ADARB2: variants seen among roughly 807,000 people sequenced by gnomAD.
The protein encoded by ADARB2 is adenosine deaminase RNA specific B2 (inactive), also known as inactive double-stranded RNA-specific editase B2.
In ADARB2, 25 loss-of-function variants were observed where a neutral mutation model predicts 62.2. That is an observed-to-expected ratio of 0.40 (90% confidence interval 0.29 to 0.56). ADARB2 has a LOEUF of 0.56. ADARB2 is among the 20% of genes least tolerant of loss of function. The pLI, the probability that ADARB2 is intolerant of heterozygous loss-of-function variation, is 0.43. For synonymous variants in ADARB2, 572 were observed against 500.8 expected (o/e 1.14, Z -1.90); for missense variants, 1,071 against 1,077.4 (o/e 0.99, Z 0.08).
intron 1 of ADARB2, among the ~76,000 whole-genome samples, chr10:1,479,612 G>T (rs531499765): frequency 1.2e-4 from 18 of 152,240 alleles, no homozygotes; most frequent in African/African-American, 2.9e-4. Flanking sequence ...GCATTTGGGC[G>T]TATGGAGGGC....
intron 2 of ADARB2, among the ~76,000 whole-genome samples, chr10:1,366,423 A>G (rs1314613894): frequency 6.6e-6 from 1 of 152,142 alleles, no homozygotes. Flanking sequence ...AGGCTCCATG[A>G]GGGTTTACTA....
At chr10:1,212,500 G>A (rs1365710667) in intron 7 of ADARB2, among the ~76,000 whole-genome samples, 3 of 152,220 alleles carry the variant, frequency 2.0e-5, no homozygotes, top group Admixed American at 1.3e-4. Context: ...GCTCCGAGTG[G>A]TGGCACCACT....
At chr10:1,401,612 C>T (rs868403078) in intron 1 of ADARB2, among the ~76,000 whole-genome samples, 7 of 152,164 alleles carry the variant, frequency 4.6e-5, no homozygotes, top group East Asian at 3.9e-4. Context: ...GCATTTTAAA[C>T]GGCACCAGCA....
intron 3 of ADARB2, among the ~76,000 whole-genome samples, chr10:1,301,713 C>T (rs1263978862): frequency 2.6e-5 from 4 of 152,128 alleles, no homozygotes; most frequent in African/African-American, 7.2e-5. Context: ...TGGTTTATTT[C>T]CTGTCATTGA....
chr10:1,534,230 G>T (rs1340882740), intron 1 of ADARB2, among the ~76,000 whole-genome samples: 1 of 150,614 alleles, frequency 6.6e-6, no homozygotes, highest in Non-Finnish European at 1.5e-5. Flanking sequence ...TCTGTCTCCC[G>T]GGTTCAACCG....
rs1049886066 is a variant in ADARB2 at position 1,459,711 on chromosome 10, G to A, written c.101-80551C>T. Among the ~76,000 whole-genome samples, 21 of 152,160 alleles carry A rather than the reference G, an allele frequency of 1.4e-4. 1 individual carries two copies. The highest frequency in any genetic ancestry group is 9.6e-4 in the East Asian group (5 of 5,192). ...CAGGAGGCTGAGTTTGCACTGAGCC[G>A]GATTGGGCCATTACACTCCAGCCTG... On this transcript the variant is annotated intron_variant, in intron 1 of 9. Coordinates refer to ENST00000381312, the MANE Select transcript of ADARB2 (RefSeq NM_018702.4).
At chr10:1,203,110 T>G (rs1029935343) in intron 7 of ADARB2, among the ~76,000 whole-genome samples, 4 of 152,234 alleles carry the variant, frequency 2.6e-5, no homozygotes, top group Admixed American at 6.5e-5. Flanking sequence ...GCCTCTCCTT[T>G]TGTTCAAACA....
At chr10:1,689,956 CAGAA>C (rs901589915) in intron 1 of ADARB2, among the ~76,000 whole-genome samples, 17 of 152,106 alleles carry the variant, frequency 1.1e-4, no homozygotes, top group African/African-American at 3.9e-4. Context: ...ACAATGATTT[CAGAA>C]AGAAAGAAAT....
intron 1 of ADARB2, among the ~76,000 whole-genome samples, chr10:1,587,716 C>A (rs1833198457): frequency 1.3e-5 from 2 of 152,092 alleles, no homozygotes; most frequent in Admixed American, 1.3e-4. Context: ...TGTTCCCACC[C>A]AAATCTCATC....
rs4880838 is a variant in ADARB2 at position 1,372,394 on chromosome 10, C to T, written c.187+6680G>A. ...TTTGGGTAATGGGTACACTAGCAGC[C>T]CAATCCCCACCAGGGTGCAGTATAC... On this transcript the variant is annotated intron_variant, in intron 2 of 9. Transcript: ENST00000381312. Among the ~76,000 whole-genome samples, 222 of 152,210 alleles carry T rather than the reference C, an allele frequency of 1.5e-3. 4 individuals carry two copies. In the East Asian group the frequency reaches 0.037, roughly 26 times the overall value.
intron 1 of ADARB2, among the ~76,000 whole-genome samples, chr10:1,466,829 G>T (rs372179096): frequency 2.0e-5 from 3 of 152,156 alleles, no homozygotes; most frequent in African/African-American, 7.2e-5. Context: ...ATCAGAAGCC[G>T]CCTGGGTCTT....
intron 1 of ADARB2, among the ~76,000 whole-genome samples, chr10:1,462,617 G>C (rs1831190493): frequency 6.7e-6 from 1 of 149,110 alleles, no homozygotes; most frequent in African/African-American, 2.6e-5. Flanking sequence ...GTATGTGCCT[G>C]TGTGTATGTA....
chr10:1,203,386 C>A (rs190570691), intron 7 of ADARB2, among the ~76,000 whole-genome samples: 1 of 152,154 alleles, frequency 6.6e-6, no homozygotes, highest in African/African-American at 2.4e-5. Context: ...GCAGGTGCGC[C>A]GGCATCAGGC....
chr10:1,340,249 C>T (rs1465349279), intron 3 of ADARB2, among the ~76,000 whole-genome samples: 1 of 149,756 alleles, frequency 6.7e-6, no homozygotes, highest in African/African-American at 2.5e-5. Context: ...CACCAGAGAA[C>T]CACACACCCC....
chr10:1,542,854 C>G (rs1449692971), intron 1 of ADARB2, among the ~76,000 whole-genome samples: 3 of 134,418 alleles, frequency 2.2e-5, no homozygotes, highest in African/African-American at 5.5e-5. Flanking sequence ...CGCCCAGACC[C>G]CACTCAGATG....
intron 1 of ADARB2, among the ~76,000 whole-genome samples, chr10:1,591,203 G>C (rs1833248520): frequency 6.6e-6 from 1 of 152,188 alleles, no homozygotes; most frequent in South Asian, 2.1e-4. Context: ...TGATGGGTGT[G>C]GGTGGGAGAA....
At chr10:1,349,656 A>C (rs1288010405) in intron 3 of ADARB2, among the ~76,000 whole-genome samples, 6 of 151,768 alleles carry the variant, frequency 4.0e-5, no homozygotes, top group Non-Finnish European at 7.4e-5. Context: ...CCACCCTTCA[A>C]TCTCTCCCTT....
chr10:1,313,674 G>T (rs1831712227), intron 3 of ADARB2, among the ~76,000 whole-genome samples: 1 of 152,124 alleles, frequency 6.6e-6, no homozygotes, highest in Admixed American at 6.5e-5. Flanking sequence ...TTGGTTAGAG[G>T]GAGGGTGGGA....
chr10:1,709,418 T>C (rs1361226543), intron 1 of ADARB2, among the ~76,000 whole-genome samples: 2 of 152,232 alleles, frequency 1.3e-5, no homozygotes, highest in South Asian at 2.1e-4. Flanking sequence ...TGCCACAGAC[T>C]CTAATTTCTT....
Sources: gnomAD v4.1 joint callset for allele counts (sites outside exome capture counted in the v4.1 genomes callset) on GRCh38, gnomAD v4.1.1 for gene constraint, MANE v1.5 for transcripts, NCBI Gene and HGNC (gene_info 2026-07-23, HGNC 2026-07-21) for gene names.